The following ITPKB variants were observed in gnomAD, a reference collection of about 807,000 sequenced individuals.
ITPKB encodes inositol-trisphosphate 3-kinase B.
ITPKB carries 13 observed loss-of-function variants against 69.4 expected under a neutral mutation model. That is an observed-to-expected ratio of 0.19 (90% CI 0.12 to 0.30). The LOEUF (loss-of-function observed/expected upper bound fraction) is 0.30. ITPKB is among the 10% of genes least tolerant of loss of function. The probability of loss-of-function intolerance (pLI) is 1.00; values close to 1 mark genes in which losing one functional copy is unlikely to be tolerated. For synonymous variants in ITPKB, 584 were observed against 513.7 expected, an observed-to-expected ratio of 1.14 and a Z score of -1.85; for missense variants, 1,240 against 1,250.5, an observed-to-expected ratio of 0.99 and a Z score of 0.13.
chr1:226,709,138 C>T (rs942125228), intron 2 of ITPKB, among the ~76,000 whole-genome samples: 4 of 152,358 alleles, frequency 2.6e-5, no homozygotes, highest in African/African-American at 7.2e-5. Context: ...ACCCATTTCA[C>T]AAAGGCTGTG....
At chr1:226,671,675 A>AG (rs1381791614) in intron 2 of ITPKB, among the ~76,000 whole-genome samples, 1 of 151,908 alleles carries the variant, frequency 6.6e-6, no homozygotes, top group Non-Finnish European at 1.5e-5. Context: ...AGGCGGGGAG[A>AG]GGGGTGTGCT....
At chr1:226,683,418 G>A (rs1355064686) in intron 2 of ITPKB, among the ~76,000 whole-genome samples, 2 of 152,082 alleles carry the variant, frequency 1.3e-5, no homozygotes, top group Non-Finnish European at 2.9e-5. Flanking sequence ...TGGATTCATC[G>A]GTAAGAAAAC....
chr1:226,726,246 A>G (rs1439206359), intron 2 of ITPKB, among the ~76,000 whole-genome samples: 1 of 152,236 alleles, frequency 6.6e-6, no homozygotes, highest in East Asian at 1.9e-4. Context: ...TGTTAAGCAC[A>G]AAAAACATTC....
chr1:226,702,209 A>G (rs1042745634), intron 2 of ITPKB, among the ~76,000 whole-genome samples: 2 of 152,140 alleles, frequency 1.3e-5, no homozygotes, highest in African/African-American at 2.4e-5. Context: ...CAGCCTGGCC[A>G]ACATGGCAAA....
At chr1:226,697,804 G>A (rs561141992) in intron 2 of ITPKB, among the ~76,000 whole-genome samples, 21 of 152,270 alleles carry the variant, frequency 1.4e-4, no homozygotes, top group African/African-American at 4.6e-4. Context: ...CATAAGAGCT[G>A]CCCTAGGAAC....
At chr1:226,688,072 C>T (rs999759534) in intron 2 of ITPKB, among the ~76,000 whole-genome samples, 10 of 152,228 alleles carry the variant, frequency 6.6e-5, no homozygotes, top group African/African-American at 2.2e-4. Context: ...CATACCAAGT[C>T]TCAGGCCCAA....
rs1657734855 is a variant in ITPKB at position 226,735,852 on chromosome 1, CGCT to C, written c.1604_1606del (p.Gln535del). 1.9e-6 allele frequency: 3 copies of C among 1,607,186 alleles called. No homozygotes were observed. Among genetic ancestry groups the C allele is most frequent in the Non-Finnish European group, 2.6e-6 (3 of 1,174,496 alleles). On this transcript the variant is annotated inframe_deletion, in exon 2 of 8. Coordinates refer to ENST00000429204, the MANE Select transcript of ITPKB (RefSeq NM_002221.4). The stretch of plus-strand genomic sequence containing the variant: ...ACTTGGGAGGGCATCACTGTCCTGC[CGCT>C]GGCTTTCCCAAGTCCCCTCTGATTG...
chr1:226,684,777 G>A (rs1024560846), intron 2 of ITPKB, among the ~76,000 whole-genome samples: 4 of 152,182 alleles, frequency 2.6e-5, no homozygotes, highest in Non-Finnish European at 4.4e-5. Context: ...ATAACTTACA[G>A]GTAACAAAAC....
chr1:226,712,724 T>C (rs929833929), intron 2 of ITPKB, among the ~76,000 whole-genome samples: 2 of 152,176 alleles, frequency 1.3e-5, no homozygotes, highest in East Asian at 3.9e-4. Flanking sequence ...GTCCTGTGTT[T>C]CCTGCTTAAG....
chr1:226,663,820 C>CA (rs1393850716), intron 2 of ITPKB, among the ~76,000 whole-genome samples: 1 of 152,170 alleles, frequency 6.6e-6, no homozygotes, highest in Non-Finnish European at 1.5e-5. Context: ...AGGCGTGAGC[C>CA]ACCACGTCCA....
At chr1:226,684,029 TTC>T (rs1387248666) in intron 2 of ITPKB, among the ~76,000 whole-genome samples, 5 of 152,148 alleles carry the variant, frequency 3.3e-5, no homozygotes, top group African/African-American at 1.2e-4. Context: ...CCATCTGACT[TTC>T]TGAGTGTCAG....
intron 2 of ITPKB, among the ~76,000 whole-genome samples, chr1:226,697,448 T>C (rs3768399): frequency 0.24 from 36,412 of 152,114 alleles, 4,636 homozygotes; most frequent in East Asian, 0.34. Context: ...GACACAGCCC[T>C]GGCATCAGCA....
intron 2 of ITPKB, among the ~76,000 whole-genome samples, chr1:226,710,692 T>C (rs906928496): frequency 6.6e-6 from 1 of 152,224 alleles, no homozygotes; most frequent in African/African-American, 2.4e-5. Context: ...TGGAGTGAGC[T>C]GGATTCTCAT....
chr1:226,733,338 C>A (rs1011656826), intron 2 of ITPKB, among the ~76,000 whole-genome samples: 2 of 152,078 alleles, frequency 1.3e-5, no homozygotes, highest in African/African-American at 4.8e-5. Context: ...ACAGAAAGGC[C>A]CAGCCAAAAG....
intron 2 of ITPKB, chr1:226,676,158 T>C (rs1448036113): frequency 6.6e-6 from 1 of 152,226 alleles, no homozygotes; most frequent in Non-Finnish European, 1.5e-5. Flanking sequence ...TGCTGTATGA[T>C]GCCTTTTGTG....
intron 2 of ITPKB, among the ~76,000 whole-genome samples, chr1:226,711,436 AGAGAGAGTGTGTGT>A (rs1558092949): frequency 7.6e-6 from 1 of 132,212 alleles, no homozygotes; most frequent in South Asian, 2.6e-4. Context: ...AGAGAGAGAG[AGAGAGAGTGTGTGT>A]GTGTGTGTGT....
chr1:226,694,267 T>G (rs1206523378), intron 2 of ITPKB, among the ~76,000 whole-genome samples: 1 of 152,252 alleles, frequency 6.6e-6, no homozygotes. Flanking sequence ...AAGAAAAATC[T>G]GTGTCAAAGT....
chr1:226,645,433 C>T (rs1478383727), intron 4 of ITPKB, among the ~76,000 whole-genome samples: 3 of 151,806 alleles, frequency 2.0e-5, no homozygotes, highest in Admixed American at 2.0e-4. Context: ...GGGCAGGAAG[C>T]GGGGCTCCTG....
At chr1:226,638,282 T>C (rs551494605) in intron 6 of ITPKB, among the ~76,000 whole-genome samples, 86 of 152,294 alleles carry the variant, frequency 5.6e-4, no homozygotes, top group African/African-American at 1.9e-3. Context: ...GACTCAGGAA[T>C]TGGAGGACTT....
Sources: gnomAD v4.1 joint callset for allele counts (sites outside exome capture counted in the v4.1 genomes callset) on GRCh38, gnomAD v4.1.1 for gene constraint, MANE v1.5 for transcripts, NCBI Gene and HGNC (gene_info 2026-07-23, HGNC 2026-07-21) for gene names.